Variants in SPOCD1 observed in about 807,000 individuals in gnomAD.
SPOCD1 encodes the protein SPOC domain-containing protein 1.
In SPOCD1, 64 loss-of-function variants were observed where a neutral mutation model predicts 92.2. That is an observed-to-expected ratio of 0.69 (90% CI 0.57 to 0.86). The LOEUF is 0.86. SPOCD1 is among the 40% of genes least tolerant of loss of function. The pLI, the probability that SPOCD1 is intolerant of heterozygous loss-of-function variation, is 0.00. For synonymous variants in SPOCD1, 578 were observed against 619.3 expected, an observed-to-expected ratio of 0.93 and a Z score of 0.99; for missense variants, 1,360 against 1,543.1, an observed-to-expected ratio of 0.88 and a Z score of 1.99.
intron 2 of SPOCD1, among the ~76,000 whole-genome samples, chr1:31,802,361 T>C (rs1393661031): frequency 6.6e-6 from 1 of 152,182 alleles, no homozygotes; most frequent in Admixed American, 6.5e-5. Context: ...AGGTATATAC[T>C]ATTTCTATCC....
intron 2 of SPOCD1, among the ~76,000 whole-genome samples, chr1:31,802,523 T>C (rs1017869202): frequency 3.3e-5 from 5 of 152,094 alleles, no homozygotes; most frequent in Admixed American, 6.6e-5. Context: ...GAAAGATTCA[T>C]GGAAAGATGT....
At chr1:31,799,970 C>A in intron 5 of SPOCD1, 46 bp downstream of exon 5, 1 of 1,611,362 alleles carries the variant, frequency 6.2e-7, no homozygotes, top group Non-Finnish European at 8.5e-7. Context: ...CCTCCCTGAC[C>A]CATGCTCCAG....
Position 31,800,087 on chromosome 1 carries a change from C to G in SPOCD1, c.1657G>C (p.Asp553His). ...GTAGDPGGLS[D>H]PFYPPRSGSL... is the part of the protein sequence containing the mutation. ...CCGCTTCTTGGAGGGTAGAAGGGGT[C>G]AGAGAGGCCACCAGGGTCCCCTGCT... Residue 553 changes from aspartate to histidine, a missense_variant, in exon 5 of 16, where the codon GAC becomes CAC. Transcript: ENST00000360482. The G allele has an allele frequency of 6.2e-7, 1 of 1,606,642 alleles. No homozygotes were observed. Among genetic ancestry groups the G allele is most frequent in the Non-Finnish European group, 8.5e-7 (1 of 1,177,940 alleles).
Position 31,814,768 on chromosome 1 carries a change from G to A in SPOCD1, c.566C>T (p.Pro189Leu), listed in dbSNP as rs35533335. 27,843 of 1,613,610 alleles carry A rather than the reference G, an allele frequency of 0.017. 347 individuals are homozygous for A. Among genetic ancestry groups the A allele is most frequent in the East Asian group, 0.054 (2,442 of 44,866 alleles). Residue 189 changes from proline to leucine, a missense_variant, in exon 2 of 16, where the codon CCC becomes CTC. Physicochemically the swap from Pro to Leu is moderately conservative, Grantham distance 98 (BLOSUM62 -3). Coordinates refer to ENST00000360482, the MANE Select transcript of SPOCD1 (RefSeq NM_144569.7). This position sits in a 1 kb window ranked among gnomAD's most constrained non-coding sequence, Gnocchi z 4.2. ...TGAGGATGTCAGGGGCCTTCCAGGG[G>A]GCTCCTCTTTGCTGAGTGTGGGGCT... ...RRSPTLSKEE[P>L]PGRPLTSSPD... is the part of the protein sequence containing the mutation.
Position 31,796,667 on chromosome 1 carries a change from C to A in SPOCD1, c.2194G>T (p.Ala732Ser). ...QQQKEPCRLP[A>S]SKMTHKGEVE... The stretch of plus-strand genomic sequence containing the variant: ...TCGCCCTTGTGGGTCATTTTGGAGG[C>A]TGGAAGTCTGCACGGCTCCTTCTGT... Residue 732 changes from alanine (A) to serine (S), a missense_variant, in exon 10 of 16, where the codon GCC (alanine) becomes TCC (serine). Physicochemically the swap from Ala to Ser is moderately conservative, Grantham distance 99. Transcript: ENST00000360482. 6.2e-7 allele frequency: 1 copy of A among 1,614,222 alleles called. No homozygotes were observed. The highest frequency in any genetic ancestry group is 8.5e-7 in the Non-Finnish European group (1 of 1,180,046).
chr1:31,814,535 C>G lies in SPOCD1; in HGVS notation c.799G>C (p.Gly267Arg). 6.5e-7 allele frequency: 1 copy of G among 1,534,102 alleles called. No homozygotes were observed. Among genetic ancestry groups the G allele is most frequent in the South Asian group, 1.3e-5 (1 of 77,702 alleles). The change falls in exon 2 of 16, where the codon GGG becomes CGG. Residue 267 changes from glycine to arginine, a missense_variant. Transcript: ENST00000360482. This position sits in a 1 kb window ranked among gnomAD's most constrained non-coding sequence, Gnocchi z 4.2. ...RPPSPKDTGS[G>R]PGEPGGSGAG... ...CCACTTCCACCTGGCTCTCCAGGCC[C>G]AGACCCAGTGTCTTTTGGAGAGGGA...
intron 2 of SPOCD1, among the ~76,000 whole-genome samples, chr1:31,810,706 C>A (rs1649142556): frequency 6.6e-6 from 1 of 152,162 alleles, no homozygotes; most frequent in African/African-American, 2.4e-5. Flanking sequence ...TTGAAGCTCT[C>A]AGTCTATAGT....
intron 2 of SPOCD1, among the ~76,000 whole-genome samples, chr1:31,813,646 G>A (rs1293251831): frequency 3.3e-5 from 5 of 152,132 alleles, no homozygotes; most frequent in Admixed American, 6.6e-5. Context: ...TTTTTACAAT[G>A]AGGAAACCTA....
intron 2 of SPOCD1, among the ~76,000 whole-genome samples, chr1:31,806,547 C>A (rs560033941): frequency 6.8e-4 from 98 of 143,656 alleles, no homozygotes; most frequent in African/African-American, 2.0e-3. Flanking sequence ...GATATGAAAA[C>A]TTTTTTTTTT....
chr1:31,799,300 G>A (rs1570167861), intron 7 of SPOCD1, 101 bp downstream of exon 7: 1 of 1,054,746 alleles, frequency 9.5e-7, no homozygotes, highest in Non-Finnish European at 1.4e-6. Flanking sequence ...AATGGGGTTA[G>A]CCAGACACCC....
chr1:31,815,415 G>C (rs761904431), intron 1 of SPOCD1, 43 bp from the exon 2 acceptor site: 31 of 1,395,262 alleles, frequency 2.2e-5, no homozygotes, highest in Admixed American at 1.5e-4. Context: ...TGGAGAGTCC[G>C]ACCTGTCAGC....
chr1:31,795,717 G>C (rs1443190713), intron 10 of SPOCD1: 1 of 152,174 alleles, frequency 6.6e-6, no homozygotes, highest in Non-Finnish European at 1.5e-5. Context: ...AGGGATTTCT[G>C]TCGTTCACTG....
chr1:31,803,366 C>T (rs1201803721), intron 2 of SPOCD1, among the ~76,000 whole-genome samples: 2 of 150,888 alleles, frequency 1.3e-5, no homozygotes, highest in Non-Finnish European at 3.0e-5. Context: ...GATTTAATAG[C>T]ATATTAGATG....
rs774495238 is a variant in SPOCD1, at chr1:31,791,186, G to A, written c.3068C>T (p.Thr1023Ile). 6.2e-7 allele frequency: 1 copy of A among 1,611,666 alleles called. No individual in the cohort carries two copies. Among genetic ancestry groups the A allele is most frequent in the East Asian group, 2.2e-5 (1 of 44,838 alleles). The change falls in exon 16 of 16, where the codon ACA (threonine) becomes ATA (isoleucine). Residue 1023 changes from threonine to isoleucine, a missense_variant. Thr to Ile is a moderately conservative substitution (Grantham distance 89). Around this residue, in one of 3 missense-constraint regions of SPOCD1, gnomAD observed 614 missense variants for 757.8 expected, o/e 0.81. Transcript: ENST00000360482. ...CCCCAACCAGGGGCTGGACCCTGCTGTGTCTGGAAGCCCTTCCTTGGGGAG... is the reference window on the plus strand; with the variant it reads ...CCCCAACCAGGGGCTGGACCCTGCTATGTCTGGAAGCCCTTCCTTGGGGAG... Reference protein sequence around the residue: ...VLLPKEGLPDTAGSSPWLGKV... With the variant: ...VLLPKEGLPDIAGSSPWLGKV...
At chr1:31,813,281 GT>G (rs1649323318) in intron 2 of SPOCD1, among the ~76,000 whole-genome samples, 1 of 152,188 alleles carries the variant, frequency 6.6e-6, no homozygotes, top group Admixed American at 6.5e-5. Context: ...TTGTTTGTTT[GT>G]TTGTTTTAGA....
chr1:31,796,779 G>T, intron 9 of SPOCD1, 64 bp from the exon 10 acceptor site: 1 of 1,608,818 alleles, frequency 6.2e-7, no homozygotes, highest in Non-Finnish European at 8.5e-7. Flanking sequence ...AAAAGCCCAA[G>T]TGCTCACTTT....
chr1:31,800,648 C>A (rs747881830), intron 3 of SPOCD1, 31 bp from the exon 4 acceptor site: 3 of 1,550,128 alleles, frequency 1.9e-6, no homozygotes, highest in Non-Finnish European at 1.7e-6. Context: ...CAGAAGCAAG[C>A]GGGGCCAGCC....
chr1:31,798,210 T>C lies in SPOCD1; in HGVS notation c.2142A>G (p.Lys714=), dbSNP rs200500544. The change falls in exon 9 of 16, where the codon AAA becomes AAG. Residue 714 remains lysine (K), a synonymous_variant. Transcript: ENST00000360482. The surrounding 1 kb of genome is among the most constrained non-coding windows in gnomAD (Gnocchi z 4.1). The stretch of plus-strand genomic sequence containing the variant: ...CCCGACTGGGCTCAGCACTCACCCT[T>C]TTCTCCTCCTGGTCCCGCCAGCGGG... ...ELARWRDQEE[K]RGLNIIEQQQ... 48 of 1,613,714 alleles carry C rather than the reference T, an allele frequency of 3.0e-5. 1 individual carries two copies. In the East Asian group the frequency reaches 1.0e-3, roughly 35 times the overall value.
At chr1:31,815,630 C>T (rs1029972444) in intron 1 of SPOCD1, 12 of 329,192 alleles carry the variant, frequency 3.6e-5, no homozygotes, top group South Asian at 1.4e-4. Flanking sequence ...TTCACACATT[C>T]GCTTAAATGG....
Sources: allele counts gnomAD v4.1 joint callset (sites outside exome capture counted in the v4.1 genomes callset), GRCh38; gene constraint gnomAD v4.1.1; regional missense constraint gnomAD v4.1.1; non-coding constraint Gnocchi (gnomAD v3.1); transcripts MANE v1.5; gene names NCBI Gene and HGNC (gene_info 2026-07-23, HGNC 2026-07-21).